The following SHTN1 variants were observed in gnomAD, a reference collection of about 807,000 sequenced individuals.
SHTN1 encodes shootin 1.
SHTN1 carries 42 observed loss-of-function variants against 83.1 expected under a neutral mutation model. The observed-to-expected ratio is 0.51, with a 90% CI of 0.39 to 0.65. SHTN1 has a LOEUF of 0.65. Ranked by LOEUF, SHTN1 falls within the 30% of genes least tolerant of loss-of-function variation. The pLI, the probability that SHTN1 is intolerant of heterozygous loss-of-function variation, is 0.00. For synonymous variants in SHTN1, 224 were observed against 247.7 expected (o/e 0.90, Z 0.90); for missense variants, 622 against 737.8 (o/e 0.84, Z 1.82).
At chr10:116,974,693 T>C (rs1380621588) in intron 2 of SHTN1, among the ~76,000 whole-genome samples, 1 of 152,124 alleles carries the variant, frequency 6.6e-6, no homozygotes. Context: ...TAAACATAAA[T>C]ACTTACTATT....
chr10:117,101,265 T>G (rs1278418300), intron 1 of SHTN1, among the ~76,000 whole-genome samples: 1 of 152,208 alleles, frequency 6.6e-6, no homozygotes, highest in Non-Finnish European at 1.5e-5. Context: ...CTCCAAGCTT[T>G]GATCAGCTCA....
intron 10 of SHTN1, among the ~76,000 whole-genome samples, chr10:116,929,171 T>C (rs959773498): frequency 4.6e-5 from 7 of 152,210 alleles, no homozygotes; most frequent in Admixed American, 2.0e-4. Flanking sequence ...CTGAAGTGAA[T>C]ATTGAAGCTA....
intron 1 of SHTN1, among the ~76,000 whole-genome samples, chr10:116,981,586 G>A (rs1851020385): frequency 6.6e-6 from 1 of 152,060 alleles, no homozygotes. Context: ...TCTTACTACT[G>A]TATCTTAAAT....
At position 116,959,741 on chromosome 10, in the gene SHTN1, C is replaced by T. The variant is rs573136797; in HGVS notation, c.267+395G>A. On this transcript the variant is annotated intron_variant, in intron 4 of 16. Coordinates refer to ENST00000355371, the MANE Select transcript of SHTN1 (RefSeq NM_001127211.3). ...ATGCACGGCTTCAGGGTGACTTTTT[C>T]ATCTGATTCAAATATGAGACATTCA... 3.3e-5 allele frequency among the ~76,000 whole-genome samples: 5 copies of T among 152,248 alleles called. No individual in the cohort carries two copies. The East Asian group carries it at 7.7e-4, about 24-fold the overall frequency.
At chr10:116,911,498 G>C in intron 14 of SHTN1, 6 of 1,550,436 alleles carry the variant, frequency 3.9e-6, no homozygotes, top group Non-Finnish European at 5.2e-6. Context: ...CATATGGCCA[G>C]CCACTTCATC....
chr10:117,021,433 G>C (rs1852262173), intron 2 of SHTN1, among the ~76,000 whole-genome samples: 1 of 152,144 alleles, frequency 6.6e-6, no homozygotes, highest in Non-Finnish European at 1.5e-5. Context: ...ACACCATGTT[G>C]ATAATGGTAA....
At position 116,885,399 on chromosome 10, in the gene SHTN1, G is replaced by A. The variant is rs1275376388; in HGVS notation, c.*945C>T. 6.6e-6 allele frequency: 1 copy of A among 151,778 alleles called. No homozygotes were observed. Among genetic ancestry groups the A allele is most frequent in the Non-Finnish European group, 1.5e-5 (1 of 67,900 alleles). 9.4% of individuals were successfully genotyped at this position (151,778 alleles called of 1,614,324 possible). ...ATTACATTTCTATTTATTCACTGTG[G>A]TAGCCTGAAACATTGTATTTTTAGA... On this transcript the variant is annotated 3_prime_UTR_variant, in exon 17 of 17. Coordinates refer to ENST00000355371, the MANE Select transcript of SHTN1 (RefSeq NM_001127211.3).
intron 13 of SHTN1, among the ~76,000 whole-genome samples, chr10:116,914,587 C>T (rs970885266): frequency 1.3e-5 from 2 of 151,866 alleles, no homozygotes; most frequent in African/African-American, 4.8e-5. Context: ...AGAACCAAAC[C>T]ATAAAGGTTA....
chr10:117,064,807 C>T (rs1021548802), intron 1 of SHTN1, among the ~76,000 whole-genome samples: 9 of 152,174 alleles, frequency 5.9e-5, no homozygotes, highest in Admixed American at 4.6e-4. Flanking sequence ...ACCTTACTGT[C>T]TGTTCTTTGG....
intron 1 of SHTN1, among the ~76,000 whole-genome samples, chr10:116,988,500 T>C (rs1164791861): frequency 6.7e-6 from 1 of 148,692 alleles, no homozygotes; most frequent in African/African-American, 2.4e-5. Context: ...TTTCTTTTAC[T>C]TATTTTTTAT....
At chr10:116,926,824 G>A (rs1044923556) in intron 11 of SHTN1, among the ~76,000 whole-genome samples, 2 of 152,126 alleles carry the variant, frequency 1.3e-5, no homozygotes, top group African/African-American at 4.8e-5. Context: ...ACCATGGCAA[G>A]GAGGTTGTCT....
upstream of SHTN1, among the ~76,000 whole-genome samples, chr10:117,007,498 T>G (rs1212408743): frequency 1.4e-5 from 2 of 140,722 alleles, no homozygotes; most frequent in African/African-American, 2.7e-5. Context: ...AAAAGGCTCC[T>G]GAGCTGAGAT....
chr10:117,096,048 CTATT>C (rs1229733114), intron 1 of SHTN1, among the ~76,000 whole-genome samples: 3 of 152,188 alleles, frequency 2.0e-5, no homozygotes, highest in African/African-American at 7.2e-5. Context: ...AACTGCATCT[CTATT>C]TAAGACTCTT....
At chr10:117,028,539 T>C (rs1475325545) in intron 2 of SHTN1, among the ~76,000 whole-genome samples, 1 of 152,130 alleles carries the variant, frequency 6.6e-6, no homozygotes, top group African/African-American at 2.4e-5. Context: ...GACTGAATGA[T>C]TTCCTGGGCC....
intron 2 of SHTN1, among the ~76,000 whole-genome samples, chr10:117,027,527 C>A (rs1334008134): frequency 6.6e-6 from 1 of 150,726 alleles, no homozygotes; most frequent in Non-Finnish European, 1.5e-5. Flanking sequence ...GAGACAGAGT[C>A]TCGTTCTGTA....
chr10:116,987,910 TCAAAAAAACAAACAAA>T (rs1288887393), intron 1 of SHTN1, among the ~76,000 whole-genome samples: 3 of 140,332 alleles, frequency 2.1e-5, no homozygotes, highest in African/African-American at 7.9e-5. Flanking sequence ...AGACTCCGTC[TCAAAAAAACAAACAAA>T]CAAAAAAAAA....
rs563811064 is a variant in SHTN1 at position 117,126,081 on chromosome 10, G to A, written c.-189+226C>T. Among the ~76,000 whole-genome samples, 10 of 152,292 alleles carry A rather than the reference G, an allele frequency of 6.6e-5. No homozygotes were observed. The East Asian group carries it at 1.4e-3, about 21-fold the overall frequency. ...GGGGGTCAAGGGCGTGGGTCTGGAG[G>A]GCGGAGCGCTAGGTGCTGGCAGGGG... On this transcript the variant is annotated intron_variant, in intron 1 of 17. Transcript: ENST00000392901.
chr10:117,030,310 C>T (rs887417622), intron 2 of SHTN1, among the ~76,000 whole-genome samples: 4 of 152,052 alleles, frequency 2.6e-5, no homozygotes, highest in Non-Finnish European at 4.4e-5. Flanking sequence ...TTTGTGTGCC[C>T]CCTAAAGCAG....
At chr10:117,059,946 G>A (rs1477958504) in intron 1 of SHTN1, among the ~76,000 whole-genome samples, 3 of 152,114 alleles carry the variant, frequency 2.0e-5, no homozygotes, top group Non-Finnish European at 4.4e-5. Flanking sequence ...TGTGATGGCC[G>A]ACGCCTGTAA....
Sources: gnomAD v4.1 joint callset for allele counts (sites outside exome capture counted in the v4.1 genomes callset) on GRCh38, gnomAD v4.1.1 for gene constraint, MANE v1.5 for transcripts, NCBI Gene and HGNC (gene_info 2026-07-23, HGNC 2026-07-21) for gene names.